Variants in MYO5B observed in about 807,000 individuals in gnomAD.
The protein encoded by MYO5B is unconventional myosin-Vb.
MYO5B carries 143 observed loss-of-function variants against 229.3 expected under a neutral mutation model. The ratio of observed to expected loss-of-function variants is 0.62; its 90% CI spans 0.54 to 0.72. MYO5B has a LOEUF of 0.72. Ranked by LOEUF, MYO5B falls within the 30% of genes least tolerant of loss-of-function variation. MYO5B has a pLI of 0.00. For synonymous variants in MYO5B, 918 were observed against 885.2 expected, an observed-to-expected ratio of 1.04 and a Z score of -0.66; for missense variants, 2,321 against 2,331.0, an observed-to-expected ratio of 1.00 and a Z score of 0.09.
chr18:49,974,829 T>A (rs577988468), intron 9 of MYO5B, among the ~76,000 whole-genome samples: 15 of 15,302 alleles, frequency 9.8e-4, no homozygotes, highest in East Asian at 2.2e-3. Flanking sequence ...ACACACACAC[T>A]GCTAAGTGGA....
chr18:50,075,694 A>G (rs2031062810), intron 1 of MYO5B, among the ~76,000 whole-genome samples: 1 of 152,216 alleles, frequency 6.6e-6, no homozygotes, highest in Non-Finnish European at 1.5e-5. Context: ...TGGATGCCAA[A>G]AGGGGAAAGA....
chr18:50,053,095 C>T (rs1171323671), intron 2 of MYO5B, among the ~76,000 whole-genome samples: 3 of 152,100 alleles, frequency 2.0e-5, no homozygotes, highest in South Asian at 2.1e-4. Flanking sequence ...AGTGTGGCCA[C>T]GTAATTTCTG....
chr18:49,904,951 G>C, intron 19 of MYO5B, 123 bp from the exon 20 acceptor site: 1 of 1,183,046 alleles, frequency 8.5e-7, no homozygotes, highest in Non-Finnish European at 1.2e-6. Context: ...ACACACCCAG[G>C]GGAAACCAAC....
chr18:50,185,027 A>T (rs985668434), intron 1 of MYO5B, among the ~76,000 whole-genome samples: 2 of 151,984 alleles, frequency 1.3e-5, no homozygotes, highest in Admixed American at 6.6e-5. Flanking sequence ...GTGAGCCATG[A>T]TTGCACCACC....
chr18:49,893,820 G>T (rs2024745711), intron 22 of MYO5B, among the ~76,000 whole-genome samples: 1 of 152,314 alleles, frequency 6.6e-6, no homozygotes, highest in Admixed American at 6.5e-5. Context: ...ACGGATGTCT[G>T]TGTGTTCCTC....
At position 50,091,055 on chromosome 18, in the gene MYO5B, C is replaced by T. The variant is rs540867236; in HGVS notation, c.28-35677G>A. On this transcript the variant is annotated intron_variant, in intron 1 of 39. Transcript: ENST00000285039. The stretch of plus-strand genomic sequence containing the variant: ...AGGTATGTGCCTGGGTGTCCAGGTA[C>T]CACCAGCATGAGAGAATTCCCCCAG... 5.2e-4 allele frequency among the ~76,000 whole-genome samples: 78 copies of T among 151,052 alleles called. 1 individual carries two copies. Among genetic ancestry groups the T allele is most frequent in the African/African-American group, 1.8e-3 (76 of 41,296 alleles).
In MYO5B at chr18:50,104,265, G is replaced by GATATAAAT. The variant is rs1555659350; in HGVS notation, c.28-48888_28-48887insATTTATAT. 7.2e-3 allele frequency among the ~76,000 whole-genome samples: 964 copies of GATATAAAT among 134,556 alleles called. 3 individuals carry two copies. Among genetic ancestry groups the GATATAAAT allele is most frequent in the Non-Finnish European group, 0.011 (732 of 63,744 alleles). 88.3% of individuals were successfully genotyped at this position (134,556 alleles called of 152,430 possible). ...TTAAGATTCCTGGGGATCTATACAT[G>GATATAAAT]ATATATATATATATATATATATATA... On this transcript the variant is annotated intron_variant, in intron 1 of 39. Coordinates refer to ENST00000285039, the MANE Select transcript of MYO5B (RefSeq NM_001080467.3).
intron 1 of MYO5B, among the ~76,000 whole-genome samples, chr18:50,067,663 T>C (rs2144441061): frequency 6.6e-6 from 1 of 152,316 alleles, no homozygotes; most frequent in Non-Finnish European, 1.5e-5. Flanking sequence ...GGCACCTCCC[T>C]GCTTCTCTTG....
intron 5 of MYO5B, among the ~76,000 whole-genome samples, chr18:50,000,359 A>G (rs568211023): frequency 6.6e-5 from 10 of 152,320 alleles, no homozygotes; most frequent in African/African-American, 1.9e-4. Context: ...GAACTGTCCA[A>G]TTAGAGATGG....
At chr18:50,161,956 C>T (rs2032773305) in intron 1 of MYO5B, among the ~76,000 whole-genome samples, 1 of 152,256 alleles carries the variant, frequency 6.6e-6, no homozygotes, top group East Asian at 1.9e-4. Context: ...GCAGGGCCAC[C>T]AGCTTTTTGC....
intron 1 of MYO5B, among the ~76,000 whole-genome samples, chr18:50,074,241 T>C (rs2031025536): frequency 6.6e-6 from 1 of 152,194 alleles, no homozygotes; most frequent in Admixed American, 6.5e-5. Flanking sequence ...ATCATGAGAA[T>C]AGCACGGGAA....
chr18:50,159,511 A>G (rs2032732100), intron 1 of MYO5B, among the ~76,000 whole-genome samples: 1 of 152,142 alleles, frequency 6.6e-6, no homozygotes, highest in African/African-American at 2.4e-5. Flanking sequence ...ACGGGAGAGC[A>G]GTCAACTAAA....
intron 39 of MYO5B, among the ~76,000 whole-genome samples, chr18:49,831,989 T>C (rs1469894377): frequency 6.6e-6 from 1 of 152,120 alleles, no homozygotes; most frequent in Non-Finnish European, 1.5e-5. Flanking sequence ...CCCGAAAGAA[T>C]ATCGTATGAG....
In MYO5B at chr18:49,906,623, T is replaced by C; in HGVS notation, c.2210A>G (p.Asp737Gly). 1 of 1,613,824 alleles carries C rather than the reference T, an allele frequency of 6.2e-7. No homozygotes were observed. Among genetic ancestry groups the C allele is most frequent in the Non-Finnish European group, 8.5e-7 (1 of 1,179,880 alleles). Residue 737 changes from aspartate (D) to glycine (G), a missense_variant, in exon 19 of 40, where the codon GAC becomes GGC. Asp to Gly is a moderately conservative substitution (Grantham distance 94). Transcript: ENST00000285039. ...CTTGGTGCGGCCAAACTGGAACTTG[T>C]CGGGGTCCTTTACAAGGTAGGGAGG... is the stretch of plus-strand genomic sequence containing the variant. ...SVLENLIKDP[D>G]KFQFGRTKIF...
intron 1 of MYO5B, among the ~76,000 whole-genome samples, chr18:50,134,293 C>G (rs577371932): frequency 6.6e-6 from 1 of 151,740 alleles, no homozygotes; most frequent in East Asian, 1.9e-4. Context: ...CGGTGGCTCA[C>G]GCCTGTAATC....
At chr18:50,004,151 AG>A (rs1392545727) in intron 4 of MYO5B, among the ~76,000 whole-genome samples, 1 of 152,206 alleles carries the variant, frequency 6.6e-6, no homozygotes, top group African/African-American at 2.4e-5. Context: ...CAAGATGTGG[AG>A]AAAAAGTGGG....
intron 2 of MYO5B, among the ~76,000 whole-genome samples, chr18:50,042,482 GCTT>G (rs2144393973): frequency 6.6e-6 from 1 of 152,068 alleles, no homozygotes; most frequent in Non-Finnish European, 1.5e-5. Context: ...TTTGTGAAAA[GCTT>G]TTTTATTTAT....
intron 30 of MYO5B, 80 bp downstream of exon 30, chr18:49,856,733 G>A (rs919751911): frequency 1.1e-5 from 13 of 1,231,392 alleles, no homozygotes; most frequent in Non-Finnish European, 1.6e-5. Flanking sequence ...CGCACCCACT[G>A]TAGCTGAAAA....
intron 1 of MYO5B, among the ~76,000 whole-genome samples, chr18:50,166,515 C>A (rs1250120333): frequency 6.6e-6 from 1 of 152,152 alleles, no homozygotes; most frequent in African/African-American, 2.4e-5. Flanking sequence ...TTATAGTAGA[C>A]CTTAAAGCTA....
Sources: gnomAD v4.1 joint callset for allele counts (sites outside exome capture counted in the v4.1 genomes callset) on GRCh38, gnomAD v4.1.1 for gene constraint, MANE v1.5 for transcripts, NCBI Gene and HGNC (gene_info 2026-07-23, HGNC 2026-07-21) for gene names.